The following TMEM106A variants were observed in gnomAD, a reference collection of about 807,000 sequenced individuals.
The protein encoded by TMEM106A is transmembrane protein 106A.
In TMEM106A, 22 loss-of-function variants were observed where a neutral mutation model predicts 25.1. The observed-to-expected ratio is 0.88, with a 90% confidence interval of 0.63 to 1.25. The LOEUF (loss-of-function observed/expected upper bound fraction) is 1.25. Ranked by LOEUF, TMEM106A falls within the 50% of genes most tolerant of loss-of-function variation. The pLI is 0.00. For missense variants in TMEM106A, 275 were observed against 318.1 expected, an observed-to-expected ratio of 0.86 and a Z score of 1.03; for synonymous variants, 104 against 129.9, an observed-to-expected ratio of 0.80 and a Z score of 1.35.
intron 3 of TMEM106A, 90 bp from the exon 4 acceptor site, chr17:43,213,738 G>A: frequency 1.6e-6 from 2 of 1,262,072 alleles, no homozygotes; most frequent in Middle Eastern, 4.2e-4. Context: ...GCTCTATGGT[G>A]TGGGTGGAGG....
At position 43,217,831 on chromosome 17, in the gene TMEM106A, C is replaced by G. The variant is rs568242769; in HGVS notation, c.*30C>G. Reference sequence around the variant, plus strand: ...TCTGCTGTCCCTGTACTCCAGGCACCTGCAACCCTGGTCTATATCTCCCAC... The same window carrying G: ...TCTGCTGTCCCTGTACTCCAGGCACGTGCAACCCTGGTCTATATCTCCCAC... On this transcript the variant is annotated 3_prime_UTR_variant, in exon 9 of 9. Coordinates refer to ENST00000612339, the MANE Select transcript of TMEM106A (RefSeq NM_145041.4). 6 of 1,613,522 alleles carry G rather than the reference C, an allele frequency of 3.7e-6. No homozygotes were observed. The South Asian group carries it at 6.6e-5, about 18-fold the overall frequency.
rs748843705 is a variant in TMEM106A at position 43,217,701 on chromosome 17, A to T, written c.689A>T (p.Tyr230Phe). The T allele has an allele frequency of 1.2e-6, 2 of 1,614,092 alleles. No homozygotes were observed. Among genetic ancestry groups the T allele is most frequent in the Non-Finnish European group, 1.7e-6 (2 of 1,180,020 alleles). Residue 230 changes from tyrosine to phenylalanine, a missense_variant, in exon 9 of 9, where the codon TAC becomes TTC. By Grantham distance (22) the Tyr-to-Phe change is conservative. Transcript: ENST00000612339. ...TCCAGGGGCACCCTGACCTGTTCAT[A>T]CCTGAGCCATTCAGAGCAGCTGGTC... ...LHIQGTLTCS[Y>F]LSHSEQLVFQ...
chr17:43,217,452 T>C, intron 8 of TMEM106A, 140 bp downstream of exon 8: 1 of 1,297,206 alleles, frequency 7.7e-7, no homozygotes, highest in South Asian at 1.3e-5. Context: ...GTCTAGCCCC[T>C]TTTCTGAGTC....
chr17:43,214,661 C>G (rs1308582126), intron 4 of TMEM106A, among the ~76,000 whole-genome samples: 1 of 152,042 alleles, frequency 6.6e-6, no homozygotes, highest in African/African-American at 2.4e-5. Context: ...CCCCACTATA[C>G]CAGAATTAGA....
At chr17:43,215,731 G>A in intron 4 of TMEM106A, 57 bp from the exon 5 acceptor site, 3 of 1,598,328 alleles carry the variant, frequency 1.9e-6, no homozygotes, top group South Asian at 1.1e-5. Flanking sequence ...CCCTCTCCGA[G>A]TTTCCTTGGT....
chr17:43,217,070 G>T, intron 7 of TMEM106A, 189 bp from the exon 8 acceptor site: 1 of 670,138 alleles, frequency 1.5e-6, no homozygotes, highest in South Asian at 1.7e-5. Context: ...GTGGAGGTCA[G>T]AGTGATAGTG....
At chr17:43,214,188 C>CAAAAAAAAAAAAAAAA (rs1171744040) in intron 4 of TMEM106A, among the ~76,000 whole-genome samples, 1 of 50,906 alleles carries the variant, frequency 2.0e-5, no homozygotes, top group Non-Finnish European at 4.0e-5. Context: ...CCATCTCTAT[C>CAAAAAAAAAAAAAAAA]AAAAAAAAAA....
Position 43,217,916 on chromosome 17 carries a change from A to G in TMEM106A, c.*115A>G, listed in dbSNP as rs572712856. 8.6e-4 allele frequency: 1,280 copies of G among 1,493,910 alleles called. 2 individuals are homozygous for G. Among genetic ancestry groups the G allele is most frequent in the Non-Finnish European group, 9.6e-4 (1,053 of 1,099,084 alleles). 92.5% of individuals were successfully genotyped at this position (1,493,910 alleles called of 1,614,324 possible). ...TTTGCCAAAGGAGAAGCCCTGCCTCATCACACCCTTACCTCCCACCCCCTC... is the reference window on the plus strand; with the variant it reads ...TTTGCCAAAGGAGAAGCCCTGCCTCGTCACACCCTTACCTCCCACCCCCTC... On this transcript the variant is annotated 3_prime_UTR_variant, in exon 9 of 9. Transcript: ENST00000612339.
At position 43,213,073 on chromosome 17, in the gene TMEM106A, G is replaced by A; in HGVS notation, c.32G>A (p.Trp11Ter). The change falls in exon 3 of 9, where the codon TGG (tryptophan) becomes TAG (stop). Residue 11 changes from tryptophan to a stop codon, truncating the protein, a stop_gained. Transcript: ENST00000612339. LOFTEE classifies it high-confidence loss of function. The stretch of plus-strand genomic sequence containing the variant: ...AAGACGTTTTCCCAGCTGGGCTCTT[G>A]GCGGGAGGATGAGAACAAGTCAATC... Reference protein sequence around the residue: MGKTFSQLGSWREDENKSILS... With the variant: MGKTFSQLGS 5.0e-6 allele frequency: 8 copies of A among 1,614,218 alleles called. No homozygotes were observed. The South Asian group carries it at 5.5e-5, about 11-fold the overall frequency.
At chr17:43,212,887 T>A in intron 2 of TMEM106A, 134 bp from the exon 3 acceptor site, 1 of 650,616 alleles carries the variant, frequency 1.5e-6, no homozygotes, top group South Asian at 2.0e-5. Context: ...GTTTTTCACA[T>A]CCTATCTTCC....
At position 43,215,918 on chromosome 17, in the gene TMEM106A, G is replaced by A; in HGVS notation, c.406G>A (p.Ala136Thr). The change falls in exon 5 of 9, where the codon GCT (alanine) becomes ACT (threonine). Residue 136 changes from alanine to threonine, a missense_variant. Coordinates refer to ENST00000612339, the MANE Select transcript of TMEM106A (RefSeq NM_145041.4). ...LNSSTVAFDE[A>T]DIYLNITNIL... is the part of the protein sequence containing the mutation. ...CTCCTCCACAGTGGCCTTTGATGAG[G>A]CTGATATCTACCTCAACATAACGGT... 6.2e-7 allele frequency: 1 copy of A among 1,614,102 alleles called. No individual in the cohort carries two copies. The highest frequency in any genetic ancestry group is 8.5e-7 in the Non-Finnish European group (1 of 1,179,998).
Position 43,217,289 on chromosome 17 carries a change from C to T in TMEM106A, c.645C>T (p.Val215=). 6.2e-7 allele frequency: 1 copy of T among 1,614,218 alleles called. No homozygotes were observed. The change falls in exon 8 of 9, where the codon GTC becomes GTT. Residue 215 remains valine (V), a synonymous_variant. Coordinates refer to ENST00000612339, the MANE Select transcript of TMEM106A (RefSeq NM_145041.4). ...YKICTWLEIK[V]HHVLLHIQGT... ...TCTGTACCTGGCTGGAAATCAAAGT[C>T]CACCATGTGCTTTTGCACATCCAGT...
At chr17:43,216,850 C>A in intron 7 of TMEM106A, 110 bp downstream of exon 7, 1 of 1,422,230 alleles carries the variant, frequency 7.0e-7, no homozygotes, top group Non-Finnish European at 9.9e-7. Flanking sequence ...CAGCATCTGG[C>A]CTGCCCTCCC....
chr17:43,217,771 G>A lies in TMEM106A; in HGVS notation c.759G>A (p.Val253=), dbSNP rs1275271894. The A allele has an allele frequency of 2.5e-6, 4 of 1,614,094 alleles. No homozygotes were observed. The highest frequency in any genetic ancestry group is 1.3e-5 in the African/African-American group (1 of 75,006). The change falls in exon 9 of 9, where the codon GTG becomes GTA. Residue 253 remains valine, a synonymous_variant. Coordinates refer to ENST00000612339, the MANE Select transcript of TMEM106A (RefSeq NM_145041.4). ...EYVDCRGNAS[V]PHQLTPHPP is the part of the protein sequence containing the mutation. ...TGGACTGCCGAGGAAACGCATCTGT[G>A]CCCCACCAGCTGACCCCTCACCCAC...
rs2057488522 is a variant in TMEM106A at position 43,216,589 on chromosome 17, G to A, written c.570G>A (p.Gln190=). The A allele has an allele frequency of 2.5e-6, 4 of 1,614,198 alleles. No individual in the cohort carries two copies. The highest frequency in any genetic ancestry group is 2.7e-5 in the African/African-American group (2 of 75,064). The stretch of plus-strand genomic sequence containing the variant: ...ACATTGGCCCTTTGGCCAGTGAACA[G>A]GTGACTCCCCTCTCCCTGGCCAGCC... ...LLHIGPLASE[Q]MFYAVATKIR... The change falls in exon 6 of 9, where the codon CAG becomes CAA. Residue 190 remains glutamine (Q), a splice_region_variant and synonymous_variant. Coordinates refer to ENST00000612339, the MANE Select transcript of TMEM106A (RefSeq NM_145041.4).
rs1426804172 is a variant in TMEM106A at position 43,215,807 on chromosome 17, G to A, written c.295G>A (p.Ala99Thr). 6.2e-7 allele frequency: 1 copy of A among 1,613,670 alleles called. No individual in the cohort carries two copies. The highest frequency in any genetic ancestry group is 1.3e-5 in the African/African-American group (1 of 74,832). ...PKHTKLFVFLAVLICLVTSSF... is the reference protein window; with the variant it reads ...PKHTKLFVFLTVLICLVTSSF... ...CCACAGGAAGCTCTTTGTGTTCCTG[G>A]CCGTGCTCATCTGCCTGGTGACCTC... Residue 99 changes from alanine (A) to threonine (T), a missense_variant, in exon 5 of 9, where the codon GCC becomes ACC. Physicochemically the swap from Ala to Thr is moderately conservative, Grantham distance 58. Transcript: ENST00000612339.
At position 43,218,047 on chromosome 17, in the gene TMEM106A, G is replaced by T; in HGVS notation, c.*246G>T. ...TGCCATCAGATTCTGCCCTTGGTTAGTTTTTTGTTTTTTTTTTGGTAGAGA... is the reference window on the plus strand; with the variant it reads ...TGCCATCAGATTCTGCCCTTGGTTATTTTTTTGTTTTTTTTTTGGTAGAGA... On this transcript the variant is annotated 3_prime_UTR_variant, in exon 9 of 9. Coordinates refer to ENST00000612339, the MANE Select transcript of TMEM106A (RefSeq NM_145041.4). 2.1e-6 allele frequency: 1 copy of T among 479,108 alleles called. No homozygotes were observed. The highest frequency in any genetic ancestry group is 3.6e-6 in the Non-Finnish European group (1 of 274,978). The allele number at this position is 479,108 out of a possible 1,614,324, so 29.7% of individuals were successfully genotyped here. A position where few individuals can be genotyped will look rare whatever the true frequency, so the allele number is the denominator to read the frequency against.
intron 4 of TMEM106A, among the ~76,000 whole-genome samples, chr17:43,214,940 A>G (rs1159832894): frequency 6.7e-6 from 1 of 148,700 alleles, no homozygotes; most frequent in African/African-American, 2.5e-5. Flanking sequence ...AGCCTGAGCA[A>G]CAGAGCGAGG....
chr17:43,217,812 G>A lies in TMEM106A; in HGVS notation c.*11G>A. 3 of 1,613,978 alleles carry A rather than the reference G, an allele frequency of 1.9e-6. No homozygotes were observed. The highest frequency in any genetic ancestry group is 2.5e-6 in the Non-Finnish European group (3 of 1,179,934). On this transcript the variant is annotated 3_prime_UTR_variant, in exon 9 of 9. Transcript: ENST00000612339. ...CCTCACCCACCATGACCTGTCTGCT[G>A]TCCCTGTACTCCAGGCACCTGCAAC...
Sources: allele counts gnomAD v4.1 joint callset (sites outside exome capture counted in the v4.1 genomes callset), GRCh38; gene constraint gnomAD v4.1.1; transcripts MANE v1.5; gene names NCBI Gene and HGNC (gene_info 2026-07-23, HGNC 2026-07-21).